PEAR1: variants seen among roughly 807,000 people sequenced by gnomAD.
PEAR1 encodes platelet endothelial aggregation receptor 1.
In PEAR1, 113 loss-of-function variants were observed where a neutral mutation model predicts 131.2. The observed-to-expected ratio is 0.86, with a 90% confidence interval of 0.74 to 1.01. The LOEUF is 1.01. Among genes scored for constraint, PEAR1 ranks in the 50% least tolerant of loss-of-function variants. The pLI, the probability that PEAR1 is intolerant of heterozygous loss-of-function variation, is 0.00. For synonymous variants in PEAR1, 565 were observed against 523.3 expected, an observed-to-expected ratio of 1.08 and a Z score of -1.09; for missense variants, 1,408 against 1,391.1, an observed-to-expected ratio of 1.01 and a Z score of -0.19.
At position 156,912,477 on chromosome 1, in the gene PEAR1, C is replaced by A. The variant is rs1651333073; in HGVS notation, c.2081-17C>A. The A allele has an allele frequency of 6.2e-7, 1 of 1,610,164 alleles. No individual in the cohort carries two copies. The highest frequency in any genetic ancestry group is 8.5e-7 in the Non-Finnish European group (1 of 1,178,280). ...GGCGGCTCTGATGCCGGCCTGCCTC[C>A]TTGGCTGTCTCCCCAGGCTGCCCTC... On this transcript the variant is annotated splice_polypyrimidine_tract_variant and intron_variant, in intron 16 of 22. Transcript: ENST00000292357.
chr1:156,894,397 G>C (rs1467642610), intron 1 of PEAR1, among the ~76,000 whole-genome samples: 1 of 152,206 alleles, frequency 6.6e-6, no homozygotes, highest in Non-Finnish European at 1.5e-5. Context: ...GCAAAAACGT[G>C]TCTCCTGCTT....
In PEAR1 at chr1:156,912,980, C is replaced by G. The variant is rs776994363; in HGVS notation, c.2420C>G (p.Pro807Arg). ...CTGGACGGCTCCGAGTATGTCATGC[C>G]AGGTGAGCTGGCACAGGGCCTGGGG... ...GRLDGSEYVM[P>R]DVPPSYSHYY... Residue 807 changes from proline to arginine, a missense_variant and splice_region_variant, in exon 18 of 23, where the codon CCA (proline) becomes CGA (arginine). Transcript: ENST00000292357. The G allele has an allele frequency of 2.5e-6, 4 of 1,614,062 alleles. No homozygotes were observed. In the South Asian group the frequency reaches 4.4e-5, roughly 18 times the overall value.
In PEAR1 at chr1:156,911,093, C is replaced by CTTT. The variant is rs56231265; in HGVS notation, c.1951+350_1951+351insTTT. Among the ~76,000 whole-genome samples the CTTT allele has an allele frequency of 9.5e-3, 701 of 73,896 alleles. 6 individuals are homozygous for CTTT. The highest frequency in any genetic ancestry group is 0.027 in the East Asian group (57 of 2,116). The allele number at this position is 73,896 out of a possible 152,430, so 48.5% of individuals were successfully genotyped here. ...TCTTTCTTTCTTTCTTTCTTTCTTT[C>CTTT]CTTTCTTTCTTTCTTTTCTTTCTTC... On this transcript the variant is annotated intron_variant, in intron 15 of 22. Transcript: ENST00000292357.
intron 22 of PEAR1, 73 bp downstream of exon 22, chr1:156,914,173 G>C: frequency 6.8e-7 from 1 of 1,467,160 alleles, no homozygotes; most frequent in African/African-American, 1.4e-5. Context: ...AGAAGGAACA[G>C]AGGGAGAAGA....
chr1:156,912,467 G>A (rs200574373), intron 16 of PEAR1, 27 bp from the exon 17 acceptor site: 99 of 1,607,280 alleles, frequency 6.2e-5, no homozygotes, highest in East Asian at 8.9e-5. Flanking sequence ...CTCTGATGCC[G>A]GCCTGCCTCC....
At position 156,908,633 on chromosome 1, in the gene PEAR1, ACGCCCCCGCCT is replaced by A. The variant is rs1439599274; in HGVS notation, c.1116-20_1116-10del. On this transcript the variant is annotated splice_polypyrimidine_tract_variant and intron_variant, in intron 9 of 22. Coordinates refer to ENST00000292357, the MANE Select transcript of PEAR1 (RefSeq NM_001080471.3). The surrounding 1 kb of genome is among the most constrained non-coding windows in gnomAD (Gnocchi z 4.2). ...GCCCCTGCCCAGCTCAGACCGCGCC[ACGCCCCCGCCT>A]CTGCCCCCAGCTGCCACCCGATGAA... is the stretch of plus-strand genomic sequence containing the variant. 1 of 1,504,878 alleles carries A rather than the reference ACGCCCCCGCCT, an allele frequency of 6.6e-7. No individual in the cohort carries two copies. 93.2% of individuals were successfully genotyped at this position (1,504,878 alleles called of 1,614,324 possible).
chr1:156,914,748 C>T lies in PEAR1; in HGVS notation c.3064C>T (p.Pro1022Ser), dbSNP rs761217292. Residue 1022 changes from proline (P) to serine (S), a missense_variant, in exon 23 of 23, where the codon CCT (proline) becomes TCT (serine). By Grantham distance (74) the Pro-to-Ser change is moderately conservative. Coordinates refer to ENST00000292357, the MANE Select transcript of PEAR1 (RefSeq NM_001080471.3). ...CCACATCCCTGGACATTATGACTTG[C>T]CTCCAGTACGGCATCCCCCATCACC... ...NSHIPGHYDL[P>S]PVRHPPSPPL... 1.1e-5 allele frequency: 18 copies of T among 1,613,928 alleles called. No individual in the cohort carries two copies. The South Asian group carries it at 2.0e-4, about 18-fold the overall frequency.
At chr1:156,899,789 T>A (rs563051263) in intron 1 of PEAR1, among the ~76,000 whole-genome samples, 1 of 150,814 alleles carries the variant, frequency 6.6e-6, no homozygotes, top group Non-Finnish European at 1.5e-5. Context: ...AACTGCAGGC[T>A]GGGATTCACA....
At chr1:156,905,605 C>T (rs1394345881) in intron 4 of PEAR1, among the ~76,000 whole-genome samples, 181 bp downstream of exon 4, 6 of 152,114 alleles carry the variant, frequency 3.9e-5, no homozygotes, top group Non-Finnish European at 2.9e-5. Context: ...CTTCCCTCTC[C>T]ATCACCACTT....
At position 156,913,676 on chromosome 1, in the gene PEAR1, GCCT is replaced by G. The variant is rs747123864; in HGVS notation, c.2645-5_2645-3del. 1.6e-5 allele frequency: 26 copies of G among 1,612,022 alleles called. 1 individual carries two copies. The highest frequency in any genetic ancestry group is 1.7e-4 in the Middle Eastern group (1 of 5,990). On this transcript the variant is annotated splice_polypyrimidine_tract_variant and intron_variant, in intron 20 of 22. Coordinates refer to ENST00000292357, the MANE Select transcript of PEAR1 (RefSeq NM_001080471.3). ...GGGGACAGAGGGCTGATTACCAGTT[GCCT>G]CCTCCTCCTCAGGGAGCAGCCGCCT...
chr1:156,908,546 C>T lies in PEAR1; in HGVS notation c.1116-109C>T. On this transcript the variant is annotated intron_variant, in intron 9 of 22. Coordinates refer to ENST00000292357, the MANE Select transcript of PEAR1 (RefSeq NM_001080471.3). The surrounding 1 kb of genome is among the most constrained non-coding windows in gnomAD (Gnocchi z 4.2). ...GAATAGCGCGGAGCCTCCCTAGTGACCCCCTTACCCCAGCGATGTGCGAAT... is the reference window on the plus strand; with the variant it reads ...GAATAGCGCGGAGCCTCCCTAGTGATCCCCTTACCCCAGCGATGTGCGAAT... 15 of 1,245,054 alleles carry T rather than the reference C, an allele frequency of 1.2e-5. No homozygotes were observed. The South Asian group carries it at 1.9e-4, about 15-fold the overall frequency. The allele number at this position is 1,245,054 out of a possible 1,614,324, so 77.1% of individuals were successfully genotyped here.
Position 156,909,048 on chromosome 1 carries a change from G to A in PEAR1, c.1411+12G>A. 6.2e-7 allele frequency: 1 copy of A among 1,613,652 alleles called. No individual in the cohort carries two copies. The highest frequency in any genetic ancestry group is 8.5e-7 in the Non-Finnish European group (1 of 1,179,966). On this transcript the variant is annotated intron_variant, in intron 11 of 22. Coordinates refer to ENST00000292357, the MANE Select transcript of PEAR1 (RefSeq NM_001080471.3). The stretch of plus-strand genomic sequence containing the variant: ...CGTCTGCAAGGAAGGTAATAGGGTG[G>A]AGTTTCCCAGAGAGAAGACTTGGGG...
At position 156,907,636 on chromosome 1, in the gene PEAR1, CT is replaced by C. The variant is rs1374778180; in HGVS notation, c.673del (p.Ser225LeufsTer152). On this transcript the variant is annotated frameshift_variant, in exon 7 of 23. Transcript: ENST00000292357. LOFTEE classifies it high-confidence loss of function. Reference protein sequence around the residue: ...PSCDVSCSQGTSGFFCPSTHS... With the variant: ...PSCDVSCSQGXSGFFCPSTHS... Reference sequence around the variant, plus strand: ...TGTGACGTGTCCTGTTCCCAGGGCACTTCTGGCTTCTTCTGCCCCAGCACCC... The same window carrying C: ...TGTGACGTGTCCTGTTCCCAGGGCACTCTGGCTTCTTCTGCCCCAGCACCC... The C allele has an allele frequency of 3.7e-6, 6 of 1,613,920 alleles. No homozygotes were observed. The highest frequency in any genetic ancestry group is 5.1e-6 in the Non-Finnish European group (6 of 1,179,854).
chr1:156,911,087 T>TTCTG (rs1437425136), intron 15 of PEAR1, among the ~76,000 whole-genome samples: 86 of 141,182 alleles, frequency 6.1e-4, no homozygotes, highest in Non-Finnish European at 3.6e-4. Context: ...CTTTCTTTCT[T>TTCTG]TCTTTCCTTT....
Position 156,906,311 on chromosome 1 carries a change from G to T in PEAR1, c.343G>T (p.Val115Leu), listed in dbSNP as rs375978526. 1 of 1,614,210 alleles carries T rather than the reference G, an allele frequency of 6.2e-7. No homozygotes were observed. Among genetic ancestry groups the T allele is most frequent in the Non-Finnish European group, 8.5e-7 (1 of 1,180,036 alleles). Residue 115 changes from valine to leucine, a missense_variant, in exon 5 of 23, where the codon GTG becomes TTG. By Grantham distance (32) the Val-to-Leu change is conservative (BLOSUM62 1). Coordinates refer to ENST00000292357, the MANE Select transcript of PEAR1 (RefSeq NM_001080471.3). The part of the protein sequence containing the change: ...CAQECVHGRC[V>L]APNQCQCVPG... ...CCAGGAGTGTGTCCATGGCCGTTGT[G>T]TGGCACCCAATCAGTGCCAATGTGT...
chr1:156,907,594 C>A lies in PEAR1; in HGVS notation c.645-16C>A. On this transcript the variant is annotated splice_polypyrimidine_tract_variant and intron_variant, in intron 6 of 22. Coordinates refer to ENST00000292357, the MANE Select transcript of PEAR1 (RefSeq NM_001080471.3). ...TTGCTTGTTTGCACATTGACTCCAC[C>A]CACTCTGTCCTGCAGCTGTGACGTG... 6 of 1,599,584 alleles carry A rather than the reference C, an allele frequency of 3.8e-6. No individual in the cohort carries two copies. Among genetic ancestry groups the A allele is most frequent in the Non-Finnish European group, 5.1e-6 (6 of 1,173,114 alleles).
chr1:156,901,197 GC>G (rs942935280), intron 1 of PEAR1, among the ~76,000 whole-genome samples: 45 of 152,314 alleles, frequency 3.0e-4, no homozygotes, highest in African/African-American at 1.1e-3. Context: ...CCGCACTCTG[GC>G]CCTACCCTGA....
At position 156,911,594 on chromosome 1, in the gene PEAR1, C is replaced by CTT. The variant is rs201928104; in HGVS notation, c.1952-647_1952-646dup. On this transcript the variant is annotated intron_variant, in intron 15 of 22. Transcript: ENST00000292357. Reference sequence around the variant, plus strand: ...CAGGTGTGAGCCACTGCGCCCAGCCCTTTTTTTCTTTTGCATTTTTCAGTT... The same window carrying CTT: ...CAGGTGTGAGCCACTGCGCCCAGCCCTTTTTTTTTCTTTTGCATTTTTCAGTT... Among the ~76,000 whole-genome samples the CTT allele has an allele frequency of 1.4e-3, 203 of 148,490 alleles. 1 individual carries two copies. The highest frequency in any genetic ancestry group is 4.7e-3 in the African/African-American group (188 of 40,204).
chr1:156,895,679 CT>C (rs1402455996), intron 1 of PEAR1, among the ~76,000 whole-genome samples: 1 of 152,026 alleles, frequency 6.6e-6, no homozygotes, highest in Non-Finnish European at 1.5e-5. Flanking sequence ...AAAAGCAGGC[CT>C]AGAAAAATAG....
Sources: gnomAD v4.1 joint callset for allele counts (sites outside exome capture counted in the v4.1 genomes callset) on GRCh38, gnomAD v4.1.1 for gene constraint, Gnocchi (gnomAD v3.1) non-coding constraint, MANE v1.5 for transcripts, NCBI Gene and HGNC (gene_info 2026-07-23, HGNC 2026-07-21) for gene names.